Variants in MOCS1 observed in about 807,000 individuals in gnomAD.
The protein encoded by MOCS1 is molybdenum cofactor synthesis 1.
In MOCS1, 39 loss-of-function variants were observed where a neutral mutation model predicts 57.6. The ratio of observed to expected loss-of-function variants is 0.68; its 90% confidence interval spans 0.52 to 0.88. The LOEUF (loss-of-function observed/expected upper bound fraction) is 0.88, where lower values mean the gene tolerates loss of function less well. Among genes scored for constraint, MOCS1 ranks in the 40% least tolerant of loss-of-function variants. The pLI is 0.00. For synonymous variants in MOCS1, 334 were observed against 335.7 expected, an observed-to-expected ratio of 1.00 and a Z score of 0.05; for missense variants, 795 against 831.1, an observed-to-expected ratio of 0.96 and a Z score of 0.53.
At chr6:39,913,283 T>G in intron 6 of MOCS1, 34 bp downstream of exon 6, 2 of 1,585,144 alleles carry the variant, frequency 1.3e-6, no homozygotes, top group Non-Finnish European at 1.7e-6. Flanking sequence ...CCCAACCCCT[T>G]CTTCCCTCCC....
chr6:39,932,849 T>A (rs1252470042), intron 1 of MOCS1, among the ~76,000 whole-genome samples: 1 of 152,260 alleles, frequency 6.6e-6, no homozygotes, highest in Non-Finnish European at 1.5e-5. Context: ...TGTGACATCC[T>A]ATGAAGTAGA....
Position 39,912,386 on chromosome 6 carries a change from A to T in MOCS1, c.871-12T>A. ...GGGATTTTAAAGGCCTGGGCAGGGGAGAGTGGGAGCAAAAGGGCAGTGGAG... is the reference window on the plus strand; with the variant it reads ...GGGATTTTAAAGGCCTGGGCAGGGGTGAGTGGGAGCAAAAGGGCAGTGGAG... On this transcript the variant is annotated splice_polypyrimidine_tract_variant and intron_variant, in intron 7 of 10. Coordinates refer to ENST00000340692, the MANE Select transcript of MOCS1 (RefSeq NM_001358530.2). 1 of 1,595,938 alleles carries T rather than the reference A, an allele frequency of 6.3e-7. No individual in the cohort carries two copies. The highest frequency in any genetic ancestry group is 8.6e-7 in the Non-Finnish European group (1 of 1,163,566).
At chr6:39,911,005 C>G (rs983385736) in intron 8 of MOCS1, among the ~76,000 whole-genome samples, 3 of 152,256 alleles carry the variant, frequency 2.0e-5, no homozygotes, top group African/African-American at 7.2e-5. Flanking sequence ...TTCCTGGGCC[C>G]CAGTGACATC....
In MOCS1 at chr6:39,905,721, G is replaced by A. The variant is rs1237051653; in HGVS notation, c.*636C>T. 4.2e-6 allele frequency: 2 copies of A among 471,156 alleles called. No homozygotes were observed. Among genetic ancestry groups the A allele is most frequent in the Admixed American group, 2.3e-5 (1 of 42,574 alleles). 29.2% of individuals were successfully genotyped at this position (471,156 alleles called of 1,614,324 possible). A position where few individuals can be genotyped will look rare whatever the true frequency, so the allele number is the denominator to read the frequency against. ...TGTGCACATCCTGTTTCAGAAGAGG[G>A]GGGCCAGAGGAAAAGGGGCCAGCAG... On this transcript the variant is annotated 3_prime_UTR_variant, in exon 11 of 11. Coordinates refer to ENST00000340692, the MANE Select transcript of MOCS1 (RefSeq NM_001358530.2).
intron 1 of MOCS1, among the ~76,000 whole-genome samples, chr6:39,932,049 C>T (rs1347168210): frequency 6.6e-6 from 1 of 152,146 alleles, no homozygotes; most frequent in Non-Finnish European, 1.5e-5. Context: ...AGCCCACAGC[C>T]CCCTTTCCGC....
chr6:39,914,830 G>A (rs1582815189), intron 4 of MOCS1, among the ~76,000 whole-genome samples: 1 of 152,154 alleles, frequency 6.6e-6, no homozygotes, highest in Admixed American at 6.5e-5. Flanking sequence ...AGTATGAATG[G>A]GAGGGAAGAT....
intron 3 of MOCS1, among the ~76,000 whole-genome samples, chr6:39,917,644 CAT>C (rs1437399214): frequency 6.6e-6 from 1 of 151,938 alleles, no homozygotes; most frequent in Admixed American, 6.6e-5. Flanking sequence ...AAGGAAGAAG[CAT>C]GAAAGAAAGA....
chr6:39,908,998 C>T, intron 10 of MOCS1, 57 bp downstream of exon 10: 2 of 1,510,408 alleles, frequency 1.3e-6, no homozygotes, highest in Non-Finnish European at 1.8e-6. Context: ...ACGGCTCCCA[C>T]CCCACGAGAT....
At chr6:39,909,022 G>A (rs1338439152) in intron 10 of MOCS1, 33 bp downstream of exon 10, 3 of 1,602,918 alleles carry the variant, frequency 1.9e-6, no homozygotes, top group South Asian at 1.1e-5. Flanking sequence ...CAAATGACAA[G>A]GGTGAGTGGT....
intron 8 of MOCS1, among the ~76,000 whole-genome samples, chr6:39,910,386 C>A (rs1767251602): frequency 6.6e-6 from 1 of 152,192 alleles, no homozygotes; most frequent in African/African-American, 2.4e-5. Context: ...TTCACCTCAG[C>A]CCCTCCAAGT....
intron 3 of MOCS1, among the ~76,000 whole-genome samples, chr6:39,917,668 C>T (rs1767739066): frequency 6.6e-6 from 1 of 151,822 alleles, no homozygotes; most frequent in Admixed American, 6.6e-5. Flanking sequence ...AACTACTTCC[C>T]CAAATAGAAG....
chr6:39,909,923 C>A lies in MOCS1; in HGVS notation c.1014G>T (p.Leu338=). 6.2e-7 allele frequency: 1 copy of A among 1,613,834 alleles called. No homozygotes were observed. Among genetic ancestry groups the A allele is most frequent in the Non-Finnish European group, 8.5e-7 (1 of 1,180,010 alleles). ...VCLFGNSEVS[L]RDHLRAGASE... ...AGGCCCCAGCTCGCAGGTGATCCCG[C>A]AGGGATACCTCAGAGTTTCCAAAGA... The change falls in exon 9 of 11, where the codon CTG becomes CTT. Residue 338 remains leucine (L), a synonymous_variant. Coordinates refer to ENST00000340692, the MANE Select transcript of MOCS1 (RefSeq NM_001358530.2).
At position 39,932,735 on chromosome 6, in the gene MOCS1, A is replaced by G. The variant is rs139219568; in HGVS notation, c.123+1560T>C. On this transcript the variant is annotated intron_variant, in intron 1 of 10. Coordinates refer to ENST00000340692, the MANE Select transcript of MOCS1 (RefSeq NM_001358530.2). ...GGACAGAGCATGTGCCAGTGGCAGC[A>G]TGGATAATAGTAATTACCACCAACA... 5.9e-5 allele frequency among the ~76,000 whole-genome samples: 9 copies of G among 152,392 alleles called. No individual in the cohort carries two copies. The East Asian group carries it at 1.5e-3, about 26-fold the overall frequency.
intron 3 of MOCS1, among the ~76,000 whole-genome samples, chr6:39,925,182 T>C (rs1768205654): frequency 6.6e-6 from 1 of 151,926 alleles, no homozygotes; most frequent in South Asian, 2.1e-4. Flanking sequence ...TGGGAAAGAG[T>C]GGCTGGTGTG....
intron 1 of MOCS1, among the ~76,000 whole-genome samples, chr6:39,929,663 G>A (rs1481351618): frequency 3.9e-5 from 6 of 151,966 alleles, no homozygotes; most frequent in Admixed American, 6.6e-5. Flanking sequence ...ATTAGGGGCC[G>A]GGTGTGGTGG....
Position 39,906,284 on chromosome 6 carries a change from T to G in MOCS1, c.*73A>C. ...AACAGTGACTGTGATTAAAGGAACC[T>G]GACGTCTTTCCCTCAGCCTACATTG... On this transcript the variant is annotated 3_prime_UTR_variant, in exon 11 of 11. Transcript: ENST00000340692. 6.3e-7 allele frequency: 1 copy of G among 1,577,192 alleles called. No individual in the cohort carries two copies. The highest frequency in any genetic ancestry group is 8.7e-7 in the Non-Finnish European group (1 of 1,149,510).
intron 3 of MOCS1, among the ~76,000 whole-genome samples, chr6:39,916,801 T>C (rs1474104707): frequency 3.3e-5 from 5 of 152,016 alleles, no homozygotes; most frequent in Non-Finnish European, 4.4e-5. Context: ...AAAGGTAAAT[T>C]AGTACTGAAA....
chr6:39,913,580 G>A, intron 5 of MOCS1, 152 bp from the exon 6 acceptor site: 1 of 950,262 alleles, frequency 1.1e-6, no homozygotes, highest in Non-Finnish European at 1.7e-6. Context: ...GGATTCCTTG[G>A]GGTCACTGAT....
rs866712858 is a variant in MOCS1, at chr6:39,905,677, C to T, written c.*680G>A. On this transcript the variant is annotated 3_prime_UTR_variant, in exon 11 of 11. Coordinates refer to ENST00000340692, the MANE Select transcript of MOCS1 (RefSeq NM_001358530.2). ...TGGGCTGTGTGGTCTGGCAGGAGTC[C>T]TTAGGGCTATGGCCCATGTGTGCAC... 4.2e-6 allele frequency: 2 copies of T among 471,168 alleles called. No homozygotes were observed. The highest frequency in any genetic ancestry group is 2.3e-5 in the Admixed American group (1 of 42,580). The allele number at this position is 471,168 out of a possible 1,614,324, so 29.2% of individuals were successfully genotyped here.
Sources: allele counts gnomAD v4.1 joint callset (sites outside exome capture counted in the v4.1 genomes callset), GRCh38; gene constraint gnomAD v4.1.1; transcripts MANE v1.5; gene names NCBI Gene and HGNC (gene_info 2026-07-23, HGNC 2026-07-21).